GRIK4: variants seen among roughly 807,000 people sequenced by gnomAD.
GRIK4 encodes the protein glutamate ionotropic receptor kainate type subunit 4.
A neutral mutation model predicts 104.9 loss-of-function variants in GRIK4; 40 were observed. The observed-to-expected ratio is 0.38, with a 90% CI of 0.30 to 0.50. The LOEUF is 0.50. Ranked by LOEUF, GRIK4 falls within the 20% of genes least tolerant of loss-of-function variation. GRIK4 has a pLI of 0.93. For synonymous variants in GRIK4, 485 were observed against 524.9 expected (o/e 0.92, Z 1.04); for missense variants, 1,047 against 1,308.1 (o/e 0.80, Z 3.08).
chr11:120,956,930 C>T lies in GRIK4; in HGVS notation c.1851C>T (p.Ser617=), dbSNP rs988014432. 2.5e-6 allele frequency: 4 copies of T among 1,611,400 alleles called. No individual in the cohort carries two copies. The highest frequency in any genetic ancestry group is 3.4e-6 in the Non-Finnish European group (4 of 1,178,716). The change falls in exon 16 of 21, where the codon TCC becomes TCT. Residue 617 remains serine (S), a synonymous_variant. Transcript: ENST00000527524. This position sits in a 1 kb window ranked among gnomAD's most constrained non-coding sequence, Gnocchi z 4.6. ...CCACCATCGCCCCTCGCGCCTTATC[C>T]ACCCGCTGTGTCAGTGGCGTCTGGT... The part of the protein sequence containing the change: ...QGSTIAPRAL[S]TRCVSGVWWA...
chr11:120,727,013 A>G (rs2135385121), intron 3 of GRIK4, among the ~76,000 whole-genome samples: 1 of 152,312 alleles, frequency 6.6e-6, no homozygotes, highest in East Asian at 1.9e-4. Flanking sequence ...TGTGTCCAAA[A>G]ATGAAAAGCA....
intron 1 of GRIK4, among the ~76,000 whole-genome samples, chr11:120,634,250 T>C (rs1294680624): frequency 2.0e-5 from 3 of 152,196 alleles, no homozygotes; most frequent in African/African-American, 2.4e-5. Context: ...TCTGTCACTC[T>C]AGCCTTGTTA....
At chr11:120,736,073 A>G (rs1344648743) in intron 3 of GRIK4, among the ~76,000 whole-genome samples, 2 of 151,934 alleles carry the variant, frequency 1.3e-5, no homozygotes, top group Non-Finnish European at 2.9e-5. Flanking sequence ...TTAGAGTCTC[A>G]CCCAAGGCCC....
chr11:120,609,789 C>T (rs1228856532), intron 1 of GRIK4, among the ~76,000 whole-genome samples: 1 of 152,150 alleles, frequency 6.6e-6, no homozygotes, highest in Non-Finnish European at 1.5e-5. Flanking sequence ...GCTGGGATTA[C>T]AGGCATGAGC....
chr11:120,686,438 A>G (rs772513321), intron 3 of GRIK4, among the ~76,000 whole-genome samples: 3 of 152,228 alleles, frequency 2.0e-5, no homozygotes, highest in African/African-American at 4.8e-5. Context: ...AGCACACGGT[A>G]TCTTTCCTAA....
chr11:120,799,718 T>G (rs1425482706), intron 3 of GRIK4, among the ~76,000 whole-genome samples: 1 of 152,228 alleles, frequency 6.6e-6, no homozygotes, highest in Non-Finnish European at 1.5e-5. Context: ...TATGCTGACA[T>G]TGTAGCTTAA....
chr11:120,769,695 C>T (rs954791489), intron 3 of GRIK4, among the ~76,000 whole-genome samples: 6 of 152,144 alleles, frequency 3.9e-5, no homozygotes, highest in Admixed American at 6.5e-5. Flanking sequence ...ATTCCTGGAG[C>T]GTGGTTTCAG....
intron 3 of GRIK4, among the ~76,000 whole-genome samples, chr11:120,666,979 GT>G (rs1949925488): frequency 6.6e-6 from 1 of 152,156 alleles, no homozygotes; most frequent in South Asian, 2.1e-4. Context: ...TTGATTCCTT[GT>G]AAAAAAGTGT....
chr11:120,839,851 C>T (rs1366097949), intron 8 of GRIK4, among the ~76,000 whole-genome samples: 1 of 152,168 alleles, frequency 6.6e-6, no homozygotes, highest in East Asian at 1.9e-4. Context: ...GTTGATTACC[C>T]ATCACAAGAA....
At chr11:120,934,007 A>T (rs1943536553) in intron 13 of GRIK4, among the ~76,000 whole-genome samples, 1 of 152,108 alleles carries the variant, frequency 6.6e-6, no homozygotes, top group South Asian at 2.1e-4. Context: ...GATCGAGACC[A>T]TCCTGGCTAA....
chr11:120,860,934 G>A (rs1464469983), intron 8 of GRIK4, among the ~76,000 whole-genome samples: 3 of 151,974 alleles, frequency 2.0e-5, no homozygotes, highest in East Asian at 1.9e-4. Flanking sequence ...CCCCAGCTTC[G>A]TTTCTCACCA....
intron 1 of GRIK4, among the ~76,000 whole-genome samples, chr11:120,620,754 G>A (rs773707646): frequency 4.6e-5 from 7 of 152,176 alleles, no homozygotes; most frequent in Non-Finnish European, 8.8e-5. Context: ...ATTATTACTA[G>A]TACTGCTACC....
chr11:120,910,693 T>C (rs577695945), intron 13 of GRIK4, among the ~76,000 whole-genome samples: 2 of 152,270 alleles, frequency 1.3e-5, no homozygotes, highest in South Asian at 4.1e-4. Context: ...GGTGAAACTG[T>C]TCAAGGCATT....
intron 1 of GRIK4, among the ~76,000 whole-genome samples, chr11:120,607,080 T>TGGAGCAGGGCA (rs1168979877): frequency 1.3e-5 from 2 of 152,118 alleles, no homozygotes; most frequent in Non-Finnish European, 2.9e-5. Flanking sequence ...GAGGATGGTT[T>TGGAGCAGGGCA]GGAGCAGGGC....
At chr11:120,795,866 C>A (rs1260862825) in intron 3 of GRIK4, among the ~76,000 whole-genome samples, 3 of 152,022 alleles carry the variant, frequency 2.0e-5, no homozygotes, top group Admixed American at 1.3e-4. Context: ...GTGTAAAATG[C>A]GTAGTATTTG....
chr11:120,847,504 G>A (rs577924480), intron 8 of GRIK4, among the ~76,000 whole-genome samples: 2 of 152,328 alleles, frequency 1.3e-5, no homozygotes, highest in African/African-American at 4.8e-5. Context: ...AATCCAAAGG[G>A]CCTTGGAGAA....
At chr11:120,840,353 G>A (rs923266548) in intron 8 of GRIK4, among the ~76,000 whole-genome samples, 5 of 152,130 alleles carry the variant, frequency 3.3e-5, no homozygotes, top group East Asian at 3.8e-4. Context: ...CTGGGTGGTC[G>A]GAACTGATGT....
At chr11:120,598,312 C>T (rs1948834236) in intron 1 of GRIK4, among the ~76,000 whole-genome samples, 1 of 152,192 alleles carries the variant, frequency 6.6e-6, no homozygotes, top group African/African-American at 2.4e-5. Flanking sequence ...AACTGAGGCT[C>T]ACAGAGTTAG....
chr11:120,980,669 C>T (rs1453651954), intron 19 of GRIK4, among the ~76,000 whole-genome samples: 2 of 152,186 alleles, frequency 1.3e-5, no homozygotes, highest in Non-Finnish European at 2.9e-5. Flanking sequence ...TTTAAATGAT[C>T]CCCTATTTTT....
Sources: gnomAD v4.1 joint callset for allele counts (sites outside exome capture counted in the v4.1 genomes callset) on GRCh38, gnomAD v4.1.1 for gene constraint, Gnocchi (gnomAD v3.1) non-coding constraint, MANE v1.5 for transcripts, NCBI Gene and HGNC (gene_info 2026-07-23, HGNC 2026-07-21) for gene names.